SLC4A10: variants seen among roughly 807,000 people sequenced by gnomAD.
The protein encoded by SLC4A10 is solute carrier family 4 member 10.
A neutral mutation model predicts 137.7 loss-of-function variants in SLC4A10; 42 were observed. The observed-to-expected ratio is 0.30, with a 90% CI of 0.24 to 0.39. The LOEUF is 0.39. SLC4A10 is among the 10% of genes least tolerant of loss of function. The probability of loss-of-function intolerance (pLI) is 1.00; values close to 1 mark genes in which losing one functional copy is unlikely to be tolerated. For synonymous variants in SLC4A10, 474 were observed against 464.1 expected, an observed-to-expected ratio of 1.02 and a Z score of -0.27; for missense variants, 925 against 1,355.0, an observed-to-expected ratio of 0.68 and a Z score of 4.98.
chr2:161,687,674 A>C (rs1173347486), intron 1 of SLC4A10, among the ~76,000 whole-genome samples: 1 of 152,152 alleles, frequency 6.6e-6, no homozygotes, highest in Non-Finnish European at 1.5e-5. Context: ...CTTGAATTGT[A>C]ATAATCCCAA....
intron 24 of SLC4A10, 81 bp downstream of exon 24, chr2:161,974,397 A>T: frequency 7.1e-6 from 8 of 1,125,316 alleles, no homozygotes; most frequent in Non-Finnish European, 9.8e-6. Context: ...TACTGTGTAG[A>T]TCCTCAGAGA....
At chr2:161,830,771 G>A (rs1264304965) in intron 3 of SLC4A10, among the ~76,000 whole-genome samples, 1 of 151,974 alleles carries the variant, frequency 6.6e-6, no homozygotes, top group Non-Finnish European at 1.5e-5. Flanking sequence ...AAACAAACAT[G>A]GTTTCTGCCC....
chr2:161,881,876 T>C (rs922683125), intron 9 of SLC4A10, among the ~76,000 whole-genome samples: 6 of 152,058 alleles, frequency 3.9e-5, no homozygotes, highest in African/African-American at 1.4e-4. Flanking sequence ...CAATAATTTT[T>C]TATAATGAAA....
At chr2:161,627,374 G>C (rs1213467429) in intron 1 of SLC4A10, among the ~76,000 whole-genome samples, 1 of 152,056 alleles carries the variant, frequency 6.6e-6, no homozygotes, top group Non-Finnish European at 1.5e-5. Context: ...TGCTTGGAGA[G>C]CCAATTGGAC....
At chr2:161,829,133 C>A (rs1271648631) in intron 3 of SLC4A10, among the ~76,000 whole-genome samples, 1 of 151,888 alleles carries the variant, frequency 6.6e-6, no homozygotes, top group South Asian at 2.1e-4. Flanking sequence ...GACCGTGTAG[C>A]CTTCATTTGT....
chr2:161,651,541 C>G (rs879905684), intron 1 of SLC4A10, among the ~76,000 whole-genome samples: 1 of 152,216 alleles, frequency 6.6e-6, no homozygotes, highest in Non-Finnish European at 1.5e-5. Flanking sequence ...GACCTATGAC[C>G]TCCCTGAGTC....
chr2:161,744,781 T>G (rs1207364227), intron 1 of SLC4A10, among the ~76,000 whole-genome samples: 1 of 152,128 alleles, frequency 6.6e-6, no homozygotes, highest in Non-Finnish European at 1.5e-5. Context: ...TTGTTTCTAT[T>G]TATTTCTTAC....
intron 23 of SLC4A10, among the ~76,000 whole-genome samples, chr2:161,973,125 C>T (rs1009946047): frequency 4.6e-5 from 7 of 152,116 alleles, no homozygotes; most frequent in African/African-American, 1.7e-4. Context: ...AGGAAATGAG[C>T]CTTCAGGGCC....
chr2:161,704,136 A>G (rs1367121100), intron 1 of SLC4A10, among the ~76,000 whole-genome samples: 3 of 150,018 alleles, frequency 2.0e-5, no homozygotes, highest in Non-Finnish European at 4.5e-5. Context: ...GCTTAAGATC[A>G]TATCTAACTA....
intron 12 of SLC4A10, among the ~76,000 whole-genome samples, chr2:161,902,458 G>T (rs1049755652): frequency 1.3e-5 from 2 of 152,046 alleles, no homozygotes; most frequent in African/African-American, 2.4e-5. Flanking sequence ...AAATTATTCA[G>T]AAATGATCCC....
At chr2:161,647,730 G>A (rs77155259) in intron 1 of SLC4A10, among the ~76,000 whole-genome samples, 6,038 of 152,254 alleles carry the variant, frequency 0.04, 181 homozygotes, top group South Asian at 0.073. Flanking sequence ...CTTTCAAACT[G>A]TTTTCCCTGT....
intron 1 of SLC4A10, among the ~76,000 whole-genome samples, chr2:161,689,756 A>G (rs1235748244): frequency 6.6e-6 from 1 of 152,198 alleles, no homozygotes; most frequent in Non-Finnish European, 1.5e-5. Context: ...TAGTTAAATC[A>G]ACACTTTAGT....
chr2:161,652,473 T>G (rs999694733), intron 1 of SLC4A10, among the ~76,000 whole-genome samples: 1 of 152,186 alleles, frequency 6.6e-6, no homozygotes, highest in African/African-American at 2.4e-5. Flanking sequence ...TCAGAAGTAA[T>G]AACATATACA....
intron 1 of SLC4A10, among the ~76,000 whole-genome samples, chr2:161,747,233 A>G (rs1015617920): frequency 6.6e-5 from 10 of 152,100 alleles, no homozygotes; most frequent in Non-Finnish European, 1.0e-4. Context: ...ATTCAGGTTC[A>G]GACTGCAGAG....
chr2:161,850,942 C>T lies in SLC4A10; in HGVS notation c.417-4028C>T, dbSNP rs559950371. 3.0e-3 allele frequency among the ~76,000 whole-genome samples: 449 copies of T among 152,154 alleles called. 1 individual carries two copies. Among genetic ancestry groups the T allele is most frequent in the African/African-American group, 0.01 (429 of 41,518 alleles). On this transcript the variant is annotated intron_variant, in intron 4 of 26. Coordinates refer to ENST00000446997, the MANE Select transcript of SLC4A10 (RefSeq NM_001178015.2). ...TTTTCATTAGTTTCAAGGAATTTCT[C>T]GGTTTCTACAGTTACTTCATTGTTT...
intron 1 of SLC4A10, among the ~76,000 whole-genome samples, chr2:161,681,496 T>A (rs1394204429): frequency 1.3e-5 from 2 of 152,142 alleles, no homozygotes; most frequent in Non-Finnish European, 2.9e-5. Flanking sequence ...CATTTTCTAA[T>A]CCTAAATTTC....
chr2:161,874,507 T>C (rs2061343518), intron 8 of SLC4A10, among the ~76,000 whole-genome samples: 1 of 152,242 alleles, frequency 6.6e-6, no homozygotes, highest in South Asian at 2.1e-4. Flanking sequence ...AGTAGTCTCA[T>C]CTTCTGGTCC....
chr2:161,802,182 A>T (rs993913185), intron 2 of SLC4A10, among the ~76,000 whole-genome samples: 2 of 152,090 alleles, frequency 1.3e-5, no homozygotes, highest in Non-Finnish European at 2.9e-5. Context: ...ACTATCTTTC[A>T]GCTTTCGGTT....
intron 10 of SLC4A10, among the ~76,000 whole-genome samples, chr2:161,884,092 C>T (rs1207716931): frequency 1.3e-5 from 2 of 152,046 alleles, no homozygotes; most frequent in African/African-American, 2.4e-5. Context: ...GGGCCATACA[C>T]CTGATTTAGC....
Sources: allele counts gnomAD v4.1 joint callset (sites outside exome capture counted in the v4.1 genomes callset), GRCh38; gene constraint gnomAD v4.1.1; transcripts MANE v1.5; gene names NCBI Gene and HGNC (gene_info 2026-07-23, HGNC 2026-07-21).